The following MFRP variants were observed in gnomAD, a reference collection of about 807,000 sequenced individuals.
MFRP encodes the protein membrane frizzled-related protein.
MFRP carries 74 observed loss-of-function variants against 65.8 expected under a neutral mutation model. That is an observed-to-expected ratio of 1.12 (90% confidence interval 0.93 to 1.36). The LOEUF (loss-of-function observed/expected upper bound fraction) is 1.36, where lower values mean the gene tolerates loss of function less well. MFRP is among the 40% of genes most tolerant of loss of function. MFRP has a pLI of 0.00. For missense variants in MFRP, 838 were observed against 736.0 expected (o/e 1.14, Z -1.60); for synonymous variants, 336 against 288.3 (o/e 1.17, Z -1.68).
chr11:119,344,997 C>A lies in MFRP; in HGVS notation c.649G>T (p.Gly217Ter). The change falls in exon 6 of 15, where the codon GGA becomes TGA. Residue 217 changes from glycine to a stop codon, truncating the protein, a stop_gained. Transcript: ENST00000619721. LOFTEE classifies it high-confidence loss of function. ...EPEGPLLRVCGRVPPPTLNTN... is the reference protein window; with the variant it reads ...EPEGPLLRVC ...TTGAGCGTGGGGGGAGGCACCCTTC[C>A]ACAAACCCTGCAAGAAGCCAGGTTG... 1.2e-6 allele frequency: 2 copies of A among 1,605,088 alleles called. No homozygotes were observed. The highest frequency in any genetic ancestry group is 1.7e-6 in the Non-Finnish European group (2 of 1,176,906).
chr11:119,339,636 A>AC lies in MFRP; in HGVS notation c.*1322dup. The stretch of plus-strand genomic sequence containing the variant: ...TAGACCCCAGGCACCTGGCAGGTGA[A>AC]CTTGCCGGTGACGGCGTCGTAATGT... On this transcript the variant is annotated 3_prime_UTR_variant, in exon 15 of 15. Transcript: ENST00000619721. The surrounding 1 kb of genome is among the most constrained non-coding windows in gnomAD (Gnocchi z 5.4). The AC allele has an allele frequency of 1.9e-6, 3 of 1,612,902 alleles. No homozygotes were observed. Among genetic ancestry groups the AC allele is most frequent in the Non-Finnish European group, 2.5e-6 (3 of 1,180,030 alleles).
At chr11:119,343,790 C>G in intron 9 of MFRP, 26 bp downstream of exon 9, 1 of 1,613,572 alleles carries the variant, frequency 6.2e-7, no homozygotes, top group Non-Finnish European at 8.5e-7. Flanking sequence ...ATGGAGTTAT[C>G]CATGGCTCTT....
chr11:119,340,585 GGCAGGCGC>G, intron 13 of MFRP, 102 bp downstream of exon 13: 1 of 618,482 alleles, frequency 1.6e-6, no homozygotes, highest in Non-Finnish European at 2.7e-6. Context: ...GGAGAGCACA[GGCAGGCGC>G]GAGAGGGTGG....
Position 119,344,945 on chromosome 11 carries a change from A to G in MFRP, c.701T>C (p.Val234Ala), listed in dbSNP as rs930932926. 7 of 1,610,456 alleles carry G rather than the reference A, an allele frequency of 4.3e-6. No individual in the cohort carries two copies. The East Asian group carries it at 6.7e-5, about 15-fold the overall frequency. The change falls in exon 6 of 15, where the codon GTC becomes GCC. Residue 234 changes from valine to alanine, a missense_variant. Coordinates refer to ENST00000619721, the MANE Select transcript of MFRP (RefSeq NM_031433.4). Reference sequence around the variant, plus strand: ...TTCCACACTGCTGTCAGAGACGAAGACCACCAGGAGGTGGCTGGCATTGGT... The same window carrying G: ...TTCCACACTGCTGTCAGAGACGAAGGCCACCAGGAGGTGGCTGGCATTGGT... ...LNTNASHLLV[V>A]FVSDSSVEGF...
chr11:119,343,143 A>G, intron 9 of MFRP, 140 bp from the exon 10 acceptor site: 1 of 1,039,236 alleles, frequency 9.6e-7, no homozygotes, highest in East Asian at 2.6e-5. Context: ...GGGTCTGGCG[A>G]GAAAGACACA....
At position 119,339,300 on chromosome 11, in the gene MFRP, G is replaced by A. The variant is rs1361841188; in HGVS notation, c.*1659C>T. ...TCAGCCTCACACCCTCCTTCTAGGAGTGAGAGCATGAGCTCACTTTGCAGT... is the reference window on the plus strand; with the variant it reads ...TCAGCCTCACACCCTCCTTCTAGGAATGAGAGCATGAGCTCACTTTGCAGT... On this transcript the variant is annotated 3_prime_UTR_variant, in exon 15 of 15. Coordinates refer to ENST00000619721, the MANE Select transcript of MFRP (RefSeq NM_031433.4). This position sits in a 1 kb window ranked among gnomAD's most constrained non-coding sequence, Gnocchi z 5.4. 1.2e-6 allele frequency: 2 copies of A among 1,605,130 alleles called. No individual in the cohort carries two copies. Among genetic ancestry groups the A allele is most frequent in the Admixed American group, 1.7e-5 (1 of 59,438 alleles).
rs1349989569 is a variant in MFRP, at chr11:119,344,769, C to T, written c.773-12G>A. ...ATGGGCACAGCTCCCTGGATGTGGG[C>T]ACCAGGAGTCAGGGAGGCCCGGAGT... On this transcript the variant is annotated splice_polypyrimidine_tract_variant and intron_variant, in intron 6 of 14. Coordinates refer to ENST00000619721, the MANE Select transcript of MFRP (RefSeq NM_031433.4). 3.1e-6 allele frequency: 5 copies of T among 1,613,894 alleles called. No homozygotes were observed. In the South Asian group the frequency reaches 3.3e-5, roughly 11 times the overall value.
At position 119,343,797 on chromosome 11, in the gene MFRP, T is replaced by C. The variant is rs1228683984; in HGVS notation, c.1124+19A>G. On this transcript the variant is annotated intron_variant, in intron 9 of 14. Coordinates refer to ENST00000619721, the MANE Select transcript of MFRP (RefSeq NM_031433.4). ...CAGTGAGGATGGAGTTATCCATGGC[T>C]CTTCCCTGGCTCCTGTACCTGCCCA... 49 of 1,613,644 alleles carry C rather than the reference T, an allele frequency of 3.0e-5. No individual in the cohort carries two copies. Among genetic ancestry groups the C allele is most frequent in the Non-Finnish European group, 3.9e-5 (46 of 1,179,984 alleles).
rs1024669047 is a variant in MFRP, at chr11:119,345,329, C to T, written c.641+91G>A. On this transcript the variant is annotated intron_variant, in intron 5 of 14. Transcript: ENST00000619721. ...AGGTCTAGTCTCTCAATTTCTTCCTCGGTTAGCCCTTCTCCCTGCCACTCC... is the reference window on the plus strand; with the variant it reads ...AGGTCTAGTCTCTCAATTTCTTCCTTGGTTAGCCCTTCTCCCTGCCACTCC... 4.0e-5 allele frequency: 54 copies of T among 1,337,074 alleles called. 1 individual carries two copies. The highest frequency in any genetic ancestry group is 4.2e-4 in the Middle Eastern group (2 of 4,808). The allele number at this position is 1,337,074 out of a possible 1,614,324, so 82.8% of individuals were successfully genotyped here. A position where few individuals can be genotyped will look rare whatever the true frequency, so the allele number is the denominator to read the frequency against.
chr11:119,345,987 G>A, intron 3 of MFRP, 59 bp from the exon 4 acceptor site: 1 of 1,613,296 alleles, frequency 6.2e-7, no homozygotes, highest in South Asian at 1.1e-5. Flanking sequence ...GAGGCTGGGA[G>A]AGCGGCTCAT....
Position 119,341,374 on chromosome 11 carries a change from G to GT in MFRP, c.*173_*174insA. ...CCGGTAAAGGGACAGGAAGGAGCAG[G>GT]GAGGGTGGTAGGGTCCCATGAGCCC... On this transcript the variant is annotated 3_prime_UTR_variant, in exon 13 of 15. Coordinates refer to ENST00000619721, the MANE Select transcript of MFRP (RefSeq NM_031433.4). The GT allele has an allele frequency of 8.1e-6, 5 of 615,956 alleles. No individual in the cohort carries two copies. Among genetic ancestry groups the GT allele is most frequent in the Admixed American group, 5.9e-5 (2 of 34,182 alleles). 38.2% of individuals were successfully genotyped at this position (615,956 alleles called of 1,614,324 possible).
At chr11:119,344,587 C>T in intron 7 of MFRP, 45 bp downstream of exon 7, 1 of 1,613,460 alleles carries the variant, frequency 6.2e-7, no homozygotes, top group Non-Finnish European at 8.5e-7. Flanking sequence ...CAGCTTGAAC[C>T]CAGATCAGAC....
chr11:119,343,150 C>G, intron 9 of MFRP, 147 bp from the exon 10 acceptor site: 1 of 985,612 alleles, frequency 1.0e-6, no homozygotes, highest in Non-Finnish European at 1.5e-6. Context: ...GCGAGAAAGA[C>G]ACATATATTC....
In MFRP at chr11:119,340,778, T is replaced by G; in HGVS notation, c.*770A>C. The G allele has an allele frequency of 1.2e-5, 3 of 249,462 alleles. No individual in the cohort carries two copies. The highest frequency in any genetic ancestry group is 2.3e-5 in the Non-Finnish European group (3 of 128,744). 15.5% of individuals were successfully genotyped at this position (249,462 alleles called of 1,614,324 possible). ...GTTGGTGGTGCTCCAGCCCCCGCGC[T>G]TCTCCCCGGCCAGGCGCCCCCTGCC... On this transcript the variant is annotated 3_prime_UTR_variant, in exon 13 of 15. Coordinates refer to ENST00000619721, the MANE Select transcript of MFRP (RefSeq NM_031433.4).
chr11:119,339,774 C>T lies in MFRP; in HGVS notation c.*1185G>A. The T allele has an allele frequency of 6.5e-7, 1 of 1,548,610 alleles. No homozygotes were observed. Among genetic ancestry groups the T allele is most frequent in the Non-Finnish European group, 8.7e-7 (1 of 1,154,220 alleles). The stretch of plus-strand genomic sequence containing the variant: ...GCGGATCGCGGAGGCACCGAGCACT[C>T]CCCGGCAGGCCCGGTGGGCCCCGCG... On this transcript the variant is annotated 3_prime_UTR_variant, in exon 15 of 15. Coordinates refer to ENST00000619721, the MANE Select transcript of MFRP (RefSeq NM_031433.4). The surrounding 1 kb of genome is among the most constrained non-coding windows in gnomAD (Gnocchi z 5.4).
chr11:119,341,564 G>A lies in MFRP; in HGVS notation c.1724C>T (p.Ala575Val), dbSNP rs754021172. Reference sequence around the variant, plus strand: ...GCTTCAGGGTCAGGGCTGGGCACAAGCTTCCAGGTCAGCTGCCTCTGGCAG... The same window carrying A: ...GCTTCAGGGTCAGGGCTGGGCACAAACTTCCAGGTCAGCTGCCTCTGGCAG... ...NRLPEAADLE[A>V]CAQP Residue 575 changes from alanine to valine, a missense_variant, in exon 13 of 15, where the codon GCT (alanine) becomes GTT (valine). Transcript: ENST00000619721. 3 of 1,612,696 alleles carry A rather than the reference G, an allele frequency of 1.9e-6. No individual in the cohort carries two copies. Among genetic ancestry groups the A allele is most frequent in the Non-Finnish European group, 2.5e-6 (3 of 1,179,922 alleles).
chr11:119,340,046 C>T (rs1950485051), intron 14 of MFRP, 138 bp downstream of exon 14: 2 of 1,270,332 alleles, frequency 1.6e-6, no homozygotes, highest in African/African-American at 1.6e-5. Flanking sequence ...CCGCCTGGGC[C>T]CCTCCCCCGC....
rs372014001 is a variant in MFRP at position 119,341,776 on chromosome 11, C to G, written c.1516-4G>C. On this transcript the variant is annotated splice_region_variant and splice_polypyrimidine_tract_variant and intron_variant, in intron 12 of 14. Transcript: ENST00000619721. ...AGCAGGGCAGGCTTGTCAGGCTCTG[C>G]GGAGGGAGAGTGGCCTTCAGGCACC... 1 of 1,613,052 alleles carries G rather than the reference C, an allele frequency of 6.2e-7. No homozygotes were observed. The highest frequency in any genetic ancestry group is 1.3e-5 in the African/African-American group (1 of 74,924).
intron 10 of MFRP, 54 bp from the exon 11 acceptor site, chr11:119,342,781 C>T: frequency 1.2e-6 from 2 of 1,613,086 alleles, no homozygotes; most frequent in Non-Finnish European, 1.7e-6. Context: ...ACCCCCAGTA[C>T]CCCCAGAGTG....
Sources: gnomAD v4.1 joint callset for allele counts on GRCh38, gnomAD v4.1.1 for gene constraint, Gnocchi (gnomAD v3.1) non-coding constraint, MANE v1.5 for transcripts, NCBI Gene and HGNC (gene_info 2026-07-23, HGNC 2026-07-21) for gene names.